The following PTPRD variants were observed in gnomAD, a reference collection of about 807,000 sequenced individuals.
PTPRD encodes protein tyrosine phosphatase receptor type D, also known as receptor-type tyrosine-protein phosphatase delta.
Under a neutral mutation model 214.5 loss-of-function variants are expected in PTPRD, and 34 were observed. That is an observed-to-expected ratio of 0.16 (90% confidence interval 0.12 to 0.21). The LOEUF is 0.21. Among genes scored for constraint, PTPRD ranks in the 10% least tolerant of loss-of-function variants. The probability of loss-of-function intolerance (pLI) is 1.00; values close to 1 mark genes in which losing one functional copy is unlikely to be tolerated. For missense variants in PTPRD, 2,545 were observed against 2,398.7 expected (o/e 1.06, Z -1.27); for synonymous variants, 1,128 against 845.7 (o/e 1.33, Z -5.79).
chr9:8,774,535 T>C, intron 11 of PTPRD, among the ~76,000 whole-genome samples: 1 of 138,500 alleles, frequency 7.2e-6, no homozygotes, highest in Non-Finnish European at 1.5e-5. Context: ...AACTTTTTTT[T>C]TTTTTTTTTT....
intron 7 of PTPRD, among the ~76,000 whole-genome samples, chr9:9,727,454 A>G (rs957709733): frequency 6.6e-6 from 1 of 152,152 alleles, no homozygotes; most frequent in African/African-American, 2.4e-5. Context: ...CTGTCTGAAA[A>G]TTAAATTAAA....
intron 4 of PTPRD, among the ~76,000 whole-genome samples, chr9:9,960,283 G>A (rs1240317666): frequency 1.3e-5 from 2 of 150,566 alleles, no homozygotes; most frequent in African/African-American, 4.9e-5. Flanking sequence ...GCTCCCAATG[G>A]CCAAAGCTAT....
At chr9:8,542,392 A>C (rs1414504312) in intron 14 of PTPRD, among the ~76,000 whole-genome samples, 2 of 152,226 alleles carry the variant, frequency 1.3e-5, no homozygotes, top group Non-Finnish European at 2.9e-5. Context: ...AACTTACATT[A>C]GGAAGATGTA....
intron 44 of PTPRD, among the ~76,000 whole-genome samples, chr9:8,323,322 G>T (rs574494761): frequency 6.6e-6 from 1 of 152,148 alleles, no homozygotes; most frequent in Non-Finnish European, 1.5e-5. Context: ...AATGGATCAA[G>T]GAGGAATTTC....
intron 4 of PTPRD, among the ~76,000 whole-genome samples, chr9:9,959,877 T>C (rs1587374388): frequency 6.6e-6 from 1 of 152,330 alleles, no homozygotes; most frequent in Admixed American, 6.5e-5. Context: ...TGGTATGAAC[T>C]CATATTTAGC....
chr9:9,667,591 A>G (rs1288044372), intron 7 of PTPRD, among the ~76,000 whole-genome samples: 1 of 152,180 alleles, frequency 6.6e-6, no homozygotes, highest in Non-Finnish European at 1.5e-5. Context: ...AATTCATTTA[A>G]GCACACAGGG....
rs537381689 is a variant in PTPRD, at chr9:8,319,872, T to G, written c.5629A>C (p.Lys1877Gln). 6.2e-7 allele frequency: 1 copy of G among 1,613,216 alleles called. No individual in the cohort carries two copies. The highest frequency in any genetic ancestry group is 1.1e-5 in the South Asian group (1 of 91,054). The change falls in exon 45 of 46, where the codon AAA (lysine) becomes CAA (glutamine). Residue 1877 changes from lysine (K) to glutamine (Q), a missense_variant. Coordinates refer to ENST00000381196, the MANE Select transcript of PTPRD (RefSeq NM_002839.4). ...EGVVDIFQTV[K>Q]MLRTQRPAMV... ...GCTGGTCGTTGTGTTCTTAACATTTTGACAGTCTGGAAGATATCTACAACT... is the reference window on the plus strand; with the variant it reads ...GCTGGTCGTTGTGTTCTTAACATTTGGACAGTCTGGAAGATATCTACAACT...
intron 4 of PTPRD, among the ~76,000 whole-genome samples, chr9:9,941,774 A>G (rs1225765361): frequency 6.6e-6 from 1 of 152,180 alleles, no homozygotes; most frequent in Non-Finnish European, 1.5e-5. Flanking sequence ...AGGAAACTCC[A>G]GTCACTTTTG....
At position 10,609,192 on chromosome 9, in the gene PTPRD, A is replaced by G. The variant is rs75368480; in HGVS notation, c.-600+3206T>C. 0.012 allele frequency among the ~76,000 whole-genome samples: 1,780 copies of G among 152,204 alleles called. 96 individuals carry two copies. The East Asian group carries it at 0.15, about 13-fold the overall frequency. ...AACTTGAAATAATGTTATTTGCTGC[A>G]TTAAATGTGAGACATACATAGATAG... On this transcript the variant is annotated intron_variant, in intron 2 of 45. Transcript: ENST00000381196.
At chr9:10,004,350 A>C (rs924945837) in intron 4 of PTPRD, among the ~76,000 whole-genome samples, 18 of 152,114 alleles carry the variant, frequency 1.2e-4, no homozygotes, top group Middle Eastern at 3.4e-3. Flanking sequence ...AAGTCATTTC[A>C]AAAAACTATT....
At chr9:10,600,783 A>G (rs944678514) in intron 2 of PTPRD, among the ~76,000 whole-genome samples, 2 of 151,780 alleles carry the variant, frequency 1.3e-5, no homozygotes, top group Admixed American at 6.6e-5. Flanking sequence ...TTCATGGTAT[A>G]TATGTTATTA....
intron 13 of PTPRD, among the ~76,000 whole-genome samples, chr9:8,636,161 ATTC>A (rs2096426171): frequency 1.3e-5 from 2 of 152,118 alleles, no homozygotes; most frequent in South Asian, 4.1e-4. Flanking sequence ...ATCCATTCCC[ATTC>A]TTCTTGATAA....
intron 4 of PTPRD, among the ~76,000 whole-genome samples, chr9:9,959,426 C>G (rs2094190588): frequency 6.6e-6 from 1 of 152,030 alleles, no homozygotes; most frequent in East Asian, 1.9e-4. Context: ...TAATGGTGGA[C>G]ACATGACAGT....
At chr9:8,338,391 A>G (rs555943034) in intron 43 of PTPRD, among the ~76,000 whole-genome samples, 1 of 152,134 alleles carries the variant, frequency 6.6e-6, no homozygotes, top group Non-Finnish European at 1.5e-5. Flanking sequence ...ATGGACAGAC[A>G]CATTAGCACA....
chr9:9,941,880 A>C (rs763632855), intron 4 of PTPRD, among the ~76,000 whole-genome samples: 10 of 152,188 alleles, frequency 6.6e-5, no homozygotes, highest in Non-Finnish European at 1.2e-4. Flanking sequence ...AAGAAAAATC[A>C]GTAGTTATTA....
At chr9:8,493,589 G>A (rs2097193979) in intron 26 of PTPRD, among the ~76,000 whole-genome samples, 1 of 152,074 alleles carries the variant, frequency 6.6e-6, no homozygotes, top group Non-Finnish European at 1.5e-5. Context: ...TCTTATTAAT[G>A]GATTGTATTA....
intron 5 of PTPRD, among the ~76,000 whole-genome samples, chr9:9,877,290 A>C (rs2067161841): frequency 6.6e-6 from 1 of 152,198 alleles, no homozygotes; most frequent in East Asian, 1.9e-4. Flanking sequence ...GGACAAAATA[A>C]ATAAATATTA....
At chr9:8,360,833 T>C (rs892112861) in intron 39 of PTPRD, among the ~76,000 whole-genome samples, 3 of 152,180 alleles carry the variant, frequency 2.0e-5, no homozygotes, top group African/African-American at 7.2e-5. Context: ...AAATTTCCTC[T>C]TGAAGGCTCA....
At chr9:9,734,817 T>G (rs1211741746) in intron 6 of PTPRD, among the ~76,000 whole-genome samples, 2 of 152,200 alleles carry the variant, frequency 1.3e-5, no homozygotes, top group African/African-American at 4.8e-5. Flanking sequence ...AAATATTTTT[T>G]CCAATTATTT....
Sources: allele counts gnomAD v4.1 joint callset (sites outside exome capture counted in the v4.1 genomes callset), GRCh38; gene constraint gnomAD v4.1.1; transcripts MANE v1.5; gene names NCBI Gene and HGNC (gene_info 2026-07-23, HGNC 2026-07-21).